Variants in NCAPD3 observed in about 807,000 individuals in gnomAD.
NCAPD3 encodes the protein non-SMC condensin II complex subunit D3.
NCAPD3 carries 105 observed loss-of-function variants against 182.9 expected under a neutral mutation model. The ratio of observed to expected loss-of-function variants is 0.57; its 90% CI spans 0.49 to 0.68. NCAPD3 has a LOEUF of 0.68. Ranked by LOEUF, NCAPD3 falls within the 30% of genes least tolerant of loss-of-function variation. The pLI is 0.00. For synonymous variants in NCAPD3, 815 were observed against 679.9 expected (o/e 1.20, Z -3.09); for missense variants, 1,944 against 1,837.0 (o/e 1.06, Z -1.07).
intron 27 of NCAPD3, among the ~76,000 whole-genome samples, chr11:134,163,009 G>A (rs1943631491): frequency 2.0e-5 from 3 of 152,144 alleles, no homozygotes; most frequent in Admixed American, 6.5e-5. Flanking sequence ...TAGACCCAGA[G>A]GCAAGAGCAC....
intron 27 of NCAPD3, among the ~76,000 whole-genome samples, chr11:134,163,428 G>T (rs1429491982): frequency 6.6e-6 from 1 of 152,092 alleles, no homozygotes; most frequent in Non-Finnish European, 1.5e-5. Flanking sequence ...GGCTGGGTGT[G>T]GTGGCTCATG....
At chr11:134,158,129 C>A in intron 30 of NCAPD3, 62 bp from the exon 31 acceptor site, 1 of 1,580,258 alleles carries the variant, frequency 6.3e-7, no homozygotes. Context: ...GGTGACAGTG[C>A]TGCACTGTGT....
intron 11 of NCAPD3, 45 bp from the exon 12 acceptor site, chr11:134,203,243 A>C: frequency 7.5e-7 from 1 of 1,327,338 alleles, no homozygotes; most frequent in Non-Finnish European, 1.1e-6. Context: ...CAGTATCATA[A>C]ACTGAGTAAT....
At chr11:134,173,766 AG>A (rs1341080410) in intron 24 of NCAPD3, 1 of 152,298 alleles carries the variant, frequency 6.6e-6, no homozygotes, top group East Asian at 1.9e-4. Context: ...GCCGGGGTGG[AG>A]GGGACTACAG....
At position 134,184,685 on chromosome 11, in the gene NCAPD3, G is replaced by C; in HGVS notation, c.2403C>G (p.Ala801=). The part of the protein sequence containing the change: ...SLEVISSAVD[A]LQRLCRASAE... The stretch of plus-strand genomic sequence containing the variant: ...CAGATGCTCTACAAAGCCTCTGCAA[G>C]GCGTCAACAGCTGAACTGATCACCT... The change falls in exon 19 of 35, where the codon GCC becomes GCG. Residue 801 remains alanine, a synonymous_variant. Transcript: ENST00000534548. 1 of 1,613,952 alleles carries C rather than the reference G, an allele frequency of 6.2e-7. No individual in the cohort carries two copies. The highest frequency in any genetic ancestry group is 8.5e-7 in the Non-Finnish European group (1 of 1,179,962).
chr11:134,193,968 T>TATACATGGAA (rs1352534466), intron 15 of NCAPD3, 48 bp downstream of exon 15: 4 of 1,556,540 alleles, frequency 2.6e-6, no homozygotes, highest in Non-Finnish European at 3.5e-6. Context: ...TGGAATTACT[T>TATACATGGAA]TTAATGTAAA....
At chr11:134,223,199 C>A in intron 1 of NCAPD3, 1 of 547,488 alleles carries the variant, frequency 1.8e-6, no homozygotes, top group Non-Finnish European at 3.3e-6. Flanking sequence ...AAAAGTCGTT[C>A]TGCAAAAGTG....
intron 19 of NCAPD3, among the ~76,000 whole-genome samples, chr11:134,183,306 C>T (rs770960892): frequency 6.6e-5 from 10 of 152,194 alleles, no homozygotes; most frequent in Admixed American, 3.3e-4. Context: ...AGTCTTACCA[C>T]GCCTGTAATC....
At chr11:134,185,142 C>A in intron 17 of NCAPD3, 142 bp from the exon 18 acceptor site, 1 of 866,230 alleles carries the variant, frequency 1.2e-6, no homozygotes, top group Non-Finnish European at 1.8e-6. Flanking sequence ...AACATCAAGG[C>A]ATTTAATGTA....
Position 134,204,836 on chromosome 11 carries a change from C to T in NCAPD3, c.1089+63G>A. 1 of 1,356,888 alleles carries T rather than the reference C, an allele frequency of 7.4e-7. No homozygotes were observed. The highest frequency in any genetic ancestry group is 1.2e-5 in the South Asian group (1 of 83,408). 84.1% of individuals were successfully genotyped at this position (1,356,888 alleles called of 1,614,324 possible). On this transcript the variant is annotated intron_variant, in intron 9 of 34. Transcript: ENST00000534548. The surrounding 1 kb of genome is among the most constrained non-coding windows in gnomAD (Gnocchi z 4.3). ...AAATACCCACACTCACACACACACACACACATTTATCTTCACACACGATAT... is the reference window on the plus strand; with the variant it reads ...AAATACCCACACTCACACACACACATACACATTTATCTTCACACACGATAT...
chr11:134,210,860 T>C (rs940572520), intron 3 of NCAPD3, among the ~76,000 whole-genome samples: 8 of 152,196 alleles, frequency 5.3e-5, no homozygotes, highest in Non-Finnish European at 8.8e-5. Context: ...AGAGAAATGG[T>C]AAATCCACAC....
Position 134,178,899 on chromosome 11 carries a change from A to G in NCAPD3, c.2597T>C (p.Leu866Pro), listed in dbSNP as rs944096016. 2.5e-6 allele frequency: 4 copies of G among 1,614,034 alleles called. No homozygotes were observed. The highest frequency in any genetic ancestry group is 3.4e-6 in the Non-Finnish European group (4 of 1,180,010). Residue 866 changes from leucine (L) to proline (P), a missense_variant, in exon 21 of 35, where the codon CTG becomes CCG. Physicochemically the swap from Leu to Pro is moderately conservative, Grantham distance 98. This residue lies in a region of NCAPD3 where 1,803 missense variants were observed against 1,674.6 expected (regional missense o/e 1.08). Transcript: ENST00000534548. ...YIFTLGDIAQ[L>P]CPARVEKRIF... ...GCGCTTCTCCACCCTGGCTGGACAC[A>G]GCTGGGCTATATCCCCTAAGGTAAA...
In NCAPD3 at chr11:134,209,295, C is replaced by T. The variant is rs763302118; in HGVS notation, c.732+18G>A. The T allele has an allele frequency of 1.2e-6, 2 of 1,609,444 alleles. No individual in the cohort carries two copies. ...AATCCTTTGAAGTTGCCCTAAGGTTCCTGGAATTTTCACTTACCTCTATAC... is the reference window on the plus strand; with the variant it reads ...AATCCTTTGAAGTTGCCCTAAGGTTTCTGGAATTTTCACTTACCTCTATAC... On this transcript the variant is annotated intron_variant, in intron 5 of 34. Coordinates refer to ENST00000534548, the MANE Select transcript of NCAPD3 (RefSeq NM_015261.3).
chr11:134,180,314 A>G (rs1944268058), intron 20 of NCAPD3, among the ~76,000 whole-genome samples: 1 of 152,138 alleles, frequency 6.6e-6, no homozygotes, highest in Non-Finnish European at 1.5e-5. Flanking sequence ...CAGAAACTGA[A>G]CACAGAAAAG....
At chr11:134,154,405 C>A (rs188107096) in intron 32 of NCAPD3, among the ~76,000 whole-genome samples, 1 of 152,050 alleles carries the variant, frequency 6.6e-6, no homozygotes, top group African/African-American at 2.4e-5. Context: ...CAGGTGCACG[C>A]GTGCACAAAC....
Position 134,223,915 on chromosome 11 carries a change from C to G in NCAPD3, c.12G>C (p.Leu4Phe). 6 of 1,612,650 alleles carry G rather than the reference C, an allele frequency of 3.7e-6. No homozygotes were observed. Among genetic ancestry groups the G allele is most frequent in the Non-Finnish European group, 5.1e-6 (6 of 1,179,814 alleles). Residue 4 changes from leucine to phenylalanine, a missense_variant, in exon 1 of 35, where the codon TTG becomes TTC. Transcript: ENST00000534548. MVA[L>F]RGLGSGLQPW... ...GCTGCAGGCCGCTACCAAGGCCCCG[C>G]AACGCCACCATGATCCCAGGGCACC...
intron 28 of NCAPD3, among the ~76,000 whole-genome samples, chr11:134,160,365 T>C (rs747902093): frequency 5.3e-5 from 8 of 152,086 alleles, no homozygotes; most frequent in Non-Finnish European, 8.8e-5. Flanking sequence ...CAGAAAAATA[T>C]GTGAGTAACT....
At chr11:134,176,842 A>G (rs1038322315) in intron 23 of NCAPD3, among the ~76,000 whole-genome samples, 1 of 152,236 alleles carries the variant, frequency 6.6e-6, no homozygotes, top group Non-Finnish European at 1.5e-5. Flanking sequence ...CAGCGCGAAC[A>G]CCATGATCCC....
rs1350428973 is a variant in NCAPD3, at chr11:134,150,264, T to C, written c.*2680A>G. Reference sequence around the variant, plus strand: ...AGCAATGTTGAAATCAGTTTGCATCTCTTCAAAAGAAACCTCTCAGGTTAG... The same window carrying C: ...AGCAATGTTGAAATCAGTTTGCATCCCTTCAAAAGAAACCTCTCAGGTTAG... On this transcript the variant is annotated 3_prime_UTR_variant, in exon 35 of 35. Coordinates refer to ENST00000534548, the MANE Select transcript of NCAPD3 (RefSeq NM_015261.3). 1 of 152,376 alleles carries C rather than the reference T, an allele frequency of 6.6e-6. No homozygotes were observed. The highest frequency in any genetic ancestry group is 1.5e-5 in the Non-Finnish European group (1 of 68,140). The allele number at this position is 152,376 out of a possible 1,614,324, so 9.4% of individuals were successfully genotyped here.
Sources: allele counts gnomAD v4.1 joint callset (sites outside exome capture counted in the v4.1 genomes callset), GRCh38; gene constraint gnomAD v4.1.1; regional missense constraint gnomAD v4.1.1; non-coding constraint Gnocchi (gnomAD v3.1); transcripts MANE v1.5; gene names NCBI Gene and HGNC (gene_info 2026-07-23, HGNC 2026-07-21).